UGT1A6: variants seen among roughly 807,000 people sequenced by gnomAD.
UGT1A6 encodes the protein UDP-glucuronosyltransferase 1A6.
Under a neutral mutation model 44.4 loss-of-function variants are expected in UGT1A6, and 32 were observed. The ratio of observed to expected loss-of-function variants is 0.72; its 90% CI spans 0.54 to 0.97. The LOEUF is 0.97. Ranked by LOEUF, UGT1A6 falls within the 50% of genes least tolerant of loss-of-function variation. The pLI is 0.00. For missense variants in UGT1A6, 685 were observed against 661.9 expected (o/e 1.03, Z -0.38); for synonymous variants, 238 against 248.5 (o/e 0.96, Z 0.40).
At chr2:233,708,509 T>A (rs2076021555) in intron 1 of UGT1A6, 1 of 152,230 alleles carries the variant, frequency 6.6e-6, no homozygotes, top group South Asian at 2.1e-4. Context: ...CCCAGCACTT[T>A]GCGGGGCCGA....
At chr2:233,707,553 G>A (rs1016218991) in intron 1 of UGT1A6, among the ~76,000 whole-genome samples, 23 of 118,818 alleles carry the variant, frequency 1.9e-4, no homozygotes, top group African/African-American at 7.4e-4. Context: ...TTTTTTTTTT[G>A]GTTCAACCTT....
chr2:233,717,558 G>A (rs1360566247), intron 1 of UGT1A6, among the ~76,000 whole-genome samples: 1 of 152,238 alleles, frequency 6.6e-6, no homozygotes, highest in Non-Finnish European at 1.5e-5. Context: ...AGCAATGGCA[G>A]ACATGGCCAG....
chr2:233,758,819 C>G (rs577329711), intron 1 of UGT1A6, among the ~76,000 whole-genome samples: 1 of 152,190 alleles, frequency 6.6e-6, no homozygotes, highest in African/African-American at 2.4e-5. Flanking sequence ...AGCAGTATAT[C>G]CCCCCCAAAA....
chr2:233,767,130 G>A lies in UGT1A6; in HGVS notation c.958G>A (p.Ala320Thr). The A allele has an allele frequency of 6.2e-7, 1 of 1,614,080 alleles. No individual in the cohort carries two copies. The highest frequency in any genetic ancestry group is 8.5e-7 in the Non-Finnish European group (1 of 1,180,012). The change falls in exon 2 of 5, where the codon GCA (alanine) becomes ACA (threonine). Residue 320 changes from alanine (A) to threonine (T), a missense_variant. Ala to Thr is a moderately conservative substitution (Grantham distance 58). Coordinates refer to ENST00000305139, the MANE Select transcript of UGT1A6 (RefSeq NM_001072.4). ...VSEIPEKKAM[A>T]IADALGKIPQ... ...AGAAATTCCAGAGAAGAAAGCTATGGCAATTGCTGATGCTTTGGGCAAAAT... is the reference window on the plus strand; with the variant it reads ...AGAAATTCCAGAGAAGAAAGCTATGACAATTGCTGATGCTTTGGGCAAAAT...
At chr2:233,697,124 A>AT (rs2075377179) in intron 1 of UGT1A6, among the ~76,000 whole-genome samples, 1 of 151,786 alleles carries the variant, frequency 6.6e-6, no homozygotes, top group Non-Finnish European at 1.5e-5. Context: ...TCTCCTCTTC[A>AT]TTTTTCTGTA....
intron 1 of UGT1A6, among the ~76,000 whole-genome samples, chr2:233,744,904 C>A (rs2125866723): frequency 6.6e-6 from 1 of 151,988 alleles, no homozygotes; most frequent in Middle Eastern, 3.4e-3. Flanking sequence ...ATACCAAAAT[C>A]TAGATGCTCA....
intron 1 of UGT1A6, among the ~76,000 whole-genome samples, chr2:233,715,929 T>C (rs1446549427): frequency 1.3e-5 from 2 of 152,168 alleles, no homozygotes; most frequent in Non-Finnish European, 2.9e-5. Context: ...CTCAGGAGTT[T>C]CAGCTCTTGT....
chr2:233,705,123 C>T (rs1488231635), intron 1 of UGT1A6, among the ~76,000 whole-genome samples: 3 of 130,446 alleles, frequency 2.3e-5, no homozygotes, highest in Non-Finnish European at 3.1e-5. Flanking sequence ...GGGACAAGAG[C>T]GAGACTTCGT....
intron 1 of UGT1A6, among the ~76,000 whole-genome samples, chr2:233,715,876 T>C (rs1472420308): frequency 6.6e-6 from 1 of 152,230 alleles, no homozygotes; most frequent in Non-Finnish European, 1.5e-5. Context: ...CTTGTGCCTG[T>C]GGCCCCAGCT....
At position 233,705,257 on chromosome 2, in the gene UGT1A6, T is replaced by TG. The variant is rs748102804; in HGVS notation, c.861+11396dup. Among the ~76,000 whole-genome samples the TG allele has an allele frequency of 1.7e-4, 26 of 152,354 alleles. No homozygotes were observed. The South Asian group carries it at 5.0e-3, about 29-fold the overall frequency. ...TTCTGTATGAATTCAGATTATTCTA[T>TG]GGGGTCACTTGCTTTCAACCTGAAG... On this transcript the variant is annotated intron_variant, in intron 1 of 4. Coordinates refer to ENST00000305139, the MANE Select transcript of UGT1A6 (RefSeq NM_001072.4).
intron 1 of UGT1A6, among the ~76,000 whole-genome samples, chr2:233,710,453 C>T (rs1180857198): frequency 6.6e-6 from 1 of 152,190 alleles, no homozygotes; most frequent in African/African-American, 2.4e-5. Flanking sequence ...ACATTTTAGC[C>T]ATCCTAATGG....
In UGT1A6 at chr2:233,773,093, G is replaced by A; in HGVS notation, c.*534G>A. 6.2e-6 allele frequency: 1 copy of A among 160,484 alleles called. No homozygotes were observed. Among genetic ancestry groups the A allele is most frequent in the East Asian group, 1.7e-4 (1 of 5,844 alleles). The allele number at this position is 160,484 out of a possible 1,614,324, so 9.9% of individuals were successfully genotyped here. A position where few individuals can be genotyped will look rare whatever the true frequency, so the allele number is the denominator to read the frequency against. Reference sequence around the variant, plus strand: ...GAATGAATGGCTTGGAGTGCACTGAGAACAGCATATGATTTCTTGCTTTGG... The same window carrying A: ...GAATGAATGGCTTGGAGTGCACTGAAAACAGCATATGATTTCTTGCTTTGG... On this transcript the variant is annotated 3_prime_UTR_variant, in exon 5 of 5. Transcript: ENST00000305139.
At chr2:233,764,627 A>C (rs2126011336) in intron 1 of UGT1A6, among the ~76,000 whole-genome samples, 1 of 152,212 alleles carries the variant, frequency 6.6e-6, no homozygotes, top group South Asian at 2.1e-4. Flanking sequence ...CATGAAGAGC[A>C]AAGGTCCTAG....
At chr2:233,721,187 A>G (rs1363550880) in intron 1 of UGT1A6, among the ~76,000 whole-genome samples, 3 of 152,172 alleles carry the variant, frequency 2.0e-5, no homozygotes, top group Admixed American at 1.3e-4. Flanking sequence ...AAACCACAAG[A>G]TATTTGTTCT....
chr2:233,722,779 T>A (rs1468738434), intron 1 of UGT1A6, among the ~76,000 whole-genome samples: 1 of 152,134 alleles, frequency 6.6e-6, no homozygotes, highest in Non-Finnish European at 1.5e-5. Flanking sequence ...TCTGATATTG[T>A]TAATAATTTT....
At chr2:233,755,480 A>T (rs574050472) in intron 1 of UGT1A6, 1 of 211,322 alleles carries the variant, frequency 4.7e-6, no homozygotes, top group Non-Finnish European at 9.7e-6. Flanking sequence ...AGGCTCTGTG[A>T]GGCCCTGTGA....
chr2:233,706,099 A>AG (rs1029714130), intron 1 of UGT1A6, among the ~76,000 whole-genome samples: 2 of 152,164 alleles, frequency 1.3e-5, no homozygotes, highest in African/African-American at 4.8e-5. Context: ...TGTCTTAAAA[A>AG]AAAACCAAGA....
intron 1 of UGT1A6, among the ~76,000 whole-genome samples, chr2:233,727,119 T>C (rs1478640841): frequency 6.6e-6 from 1 of 152,204 alleles, no homozygotes; most frequent in Non-Finnish European, 1.5e-5. Flanking sequence ...GTCTGTGAGA[T>C]TGGCAGAGGG....
rs934551202 is a variant in UGT1A6 at position 233,699,876 on chromosome 2, G to A, written c.861+6011G>A. On this transcript the variant is annotated intron_variant, in intron 1 of 4. Coordinates refer to ENST00000305139, the MANE Select transcript of UGT1A6 (RefSeq NM_001072.4). ...AGATATGTCTGAAGACATTTTTGGT[G>A]TTGCAATTGGAGAGGCGAAATAGTC... is the stretch of plus-strand genomic sequence containing the variant. Among the ~76,000 whole-genome samples, 57 of 152,266 alleles carry A rather than the reference G, an allele frequency of 3.7e-4. 1 individual carries two copies. The highest frequency in any genetic ancestry group is 3.9e-4 in the East Asian group (2 of 5,188).
Sources: allele counts gnomAD v4.1 joint callset (sites outside exome capture counted in the v4.1 genomes callset), GRCh38; gene constraint gnomAD v4.1.1; transcripts MANE v1.5; gene names NCBI Gene and HGNC (gene_info 2026-07-23, HGNC 2026-07-21).